VPS8: variants seen among roughly 807,000 people sequenced by gnomAD.
The protein encoded by VPS8 is vacuolar protein sorting-associated protein 8 homolog.
Under a neutral mutation model 216.4 loss-of-function variants are expected in VPS8, and 129 were observed. The ratio of observed to expected loss-of-function variants is 0.60; its 90% CI spans 0.52 to 0.69. VPS8 has a LOEUF of 0.69. VPS8 is among the 30% of genes least tolerant of loss of function. The pLI is 0.00. For missense variants in VPS8, 1,531 were observed against 1,683.5 expected, an observed-to-expected ratio of 0.91 and a Z score of 1.59; for synonymous variants, 571 against 565.4, an observed-to-expected ratio of 1.01 and a Z score of -0.14.
At position 185,047,600 on chromosome 3, in the gene VPS8, C is replaced by T. The variant is rs115178435; in HGVS notation, c.4057-879C>T. On this transcript the variant is annotated intron_variant, in intron 46 of 47. Transcript: ENST00000625842. ...AAACACTTCTGAAATCAACTTTTAA[C>T]TATGGGTATCTCTGAATTGTAAGAA... Among the ~76,000 whole-genome samples the T allele has an allele frequency of 4.4e-3, 666 of 152,302 alleles. 7 individuals are homozygous for T. Among genetic ancestry groups the T allele is most frequent in the African/African-American group, 0.015 (625 of 41,550 alleles).
In VPS8 at chr3:184,860,237, C is replaced by T. The variant is rs577520278; in HGVS notation, c.1224+172C>T. On this transcript the variant is annotated intron_variant, in intron 15 of 47. Transcript: ENST00000625842. ...CTGTAGTCCCAGCTACTTGGGAGGC[C>T]GAGCTGGGATAGCTTAAGCCCAGGA... Among the ~76,000 whole-genome samples the T allele has an allele frequency of 1.7e-4, 26 of 151,906 alleles. 1 individual carries two copies. Among genetic ancestry groups the T allele is most frequent in the African/African-American group, 5.6e-4 (23 of 41,416 alleles).
chr3:184,847,559 A>G (rs1723374266), intron 8 of VPS8, among the ~76,000 whole-genome samples: 1 of 152,206 alleles, frequency 6.6e-6, no homozygotes, highest in Non-Finnish European at 1.5e-5. Context: ...CATGTAGATA[A>G]TTAAGGGAGA....
intron 11 of VPS8, among the ~76,000 whole-genome samples, chr3:184,852,835 C>G (rs779986014): frequency 7.9e-5 from 12 of 152,150 alleles, no homozygotes; most frequent in African/African-American, 2.7e-4. Flanking sequence ...TGGGACCACT[C>G]TTCTGGAATA....
chr3:185,023,347 C>T (rs755008425), intron 45 of VPS8, among the ~76,000 whole-genome samples: 1 of 151,910 alleles, frequency 6.6e-6, no homozygotes, highest in Non-Finnish European at 1.5e-5. Context: ...ATGAATTGAC[C>T]CCTTTATTAT....
chr3:184,991,286 T>G (rs973479569), intron 42 of VPS8, among the ~76,000 whole-genome samples: 1 of 152,182 alleles, frequency 6.6e-6, no homozygotes, highest in Non-Finnish European at 1.5e-5. Context: ...CTTCATAGTT[T>G]GCAAACAAAC....
At chr3:185,051,749 C>T in intron 47 of VPS8, 127 bp from the exon 48 acceptor site, 1 of 1,199,232 alleles carries the variant, frequency 8.3e-7, no homozygotes, top group East Asian at 2.8e-5. Context: ...ACCTAAGATT[C>T]AAACCCTGCA....
intron 42 of VPS8, among the ~76,000 whole-genome samples, chr3:184,989,448 G>A (rs1268457620): frequency 1.4e-5 from 2 of 146,656 alleles, no homozygotes; most frequent in African/African-American, 5.0e-5. Context: ...TTCCTTTTTT[G>A]TGGAGAATGG....
intron 21 of VPS8, 111 bp from the exon 22 acceptor site, chr3:184,885,999 T>G (rs1401756124): frequency 1.7e-6 from 2 of 1,189,440 alleles, no homozygotes; most frequent in Non-Finnish European, 2.4e-6. Flanking sequence ...AAGCATGATA[T>G]GAAGTTATAT....
rs554352790 is a variant in VPS8, at chr3:185,011,009, A to T, written c.4002+11148A>T. Among the ~76,000 whole-genome samples the T allele has an allele frequency of 7.2e-5, 11 of 152,304 alleles. No homozygotes were observed. The South Asian group carries it at 2.3e-3, about 32-fold the overall frequency. ...GCGAGACCCTATCTCAAAAAAACAA[A>T]AAAGAAAAAGAAATGAATAGATCAT... On this transcript the variant is annotated intron_variant, in intron 45 of 47. Coordinates refer to ENST00000625842, the MANE Select transcript of VPS8 (RefSeq NM_001009921.3).
At chr3:184,893,245 A>T in intron 22 of VPS8, 1 of 1,283,248 alleles carries the variant, frequency 7.8e-7, no homozygotes, top group Non-Finnish European at 1.0e-6. Flanking sequence ...ACTTCAGATG[A>T]GTCAAAACCC....
At chr3:184,938,649 CTTTTTT>C (rs113635324) in intron 35 of VPS8, among the ~76,000 whole-genome samples, 1 of 140,726 alleles carries the variant, frequency 7.1e-6, no homozygotes, top group African/African-American at 2.6e-5. Context: ...TTCTTTTTTT[CTTTTTT>C]TTTTTTTGTA....
In VPS8 at chr3:184,869,011, T is replaced by C; in HGVS notation, c.1572T>C (p.His524=). Residue 524 remains histidine (H), a synonymous_variant, in exon 19 of 48, where the codon CAT becomes CAC. Transcript: ENST00000625842. ...CGTTGGCTCTTGCGTGGTCTTTCCA[T>C]GAAGGAAAAGCAAAAGCAGTAGTGG... ...TEALALAWSF[H]EGKAKAVVGL... The C allele has an allele frequency of 6.2e-7, 1 of 1,609,136 alleles. No individual in the cohort carries two copies. The highest frequency in any genetic ancestry group is 8.5e-7 in the Non-Finnish European group (1 of 1,177,844).
rs774785598 is a variant in VPS8, at chr3:184,914,935, AT to A, written c.2190-45del. ...ACAATGTGTTACTCGCTTGAAAGTT[AT>A]CCCCTTTACAAGTCACCATATCCAT... is the stretch of plus-strand genomic sequence containing the variant. On this transcript the variant is annotated intron_variant, in intron 26 of 47. Coordinates refer to ENST00000625842, the MANE Select transcript of VPS8 (RefSeq NM_001009921.3). 5.2e-6 allele frequency: 8 copies of A among 1,551,996 alleles called. No individual in the cohort carries two copies. The South Asian group carries it at 5.6e-5, about 11-fold the overall frequency.
At chr3:184,999,212 C>A (rs890646646) in intron 44 of VPS8, among the ~76,000 whole-genome samples, 3 of 152,284 alleles carry the variant, frequency 2.0e-5, no homozygotes, top group Admixed American at 2.0e-4. Flanking sequence ...TACCTGCCAC[C>A]ACGTCCAGCT....
intron 16 of VPS8, among the ~76,000 whole-genome samples, chr3:184,863,833 C>T (rs1726847062): frequency 6.6e-6 from 1 of 152,116 alleles, no homozygotes; most frequent in Admixed American, 6.5e-5. Flanking sequence ...TGAGTGACTA[C>T]AGCATGATGT....
intron 43 of VPS8, among the ~76,000 whole-genome samples, chr3:184,995,056 C>A (rs4686943): frequency 2.6e-5 from 4 of 152,096 alleles, no homozygotes; most frequent in South Asian, 2.1e-4. Flanking sequence ...CACTGGGTCC[C>A]TCCCACCACA....
chr3:184,940,140 A>G (rs773794151), intron 35 of VPS8, 57 bp from the exon 36 acceptor site: 13 of 1,085,104 alleles, frequency 1.2e-5, no homozygotes, highest in Non-Finnish European at 1.7e-5. Flanking sequence ...TTACCATGGA[A>G]TATTTGAAAA....
intron 36 of VPS8, among the ~76,000 whole-genome samples, chr3:184,949,024 G>T (rs1220925803): frequency 6.6e-6 from 1 of 152,084 alleles, no homozygotes; most frequent in Non-Finnish European, 1.5e-5. Context: ...TGAAAGATTA[G>T]TCTGGGTGAG....
intron 26 of VPS8, among the ~76,000 whole-genome samples, chr3:184,914,346 T>A (rs1448479422): frequency 6.6e-6 from 1 of 152,206 alleles, no homozygotes; most frequent in Non-Finnish European, 1.5e-5. Context: ...TTTAAAAAGC[T>A]TTAAAATTTG....
Sources: allele counts gnomAD v4.1 joint callset (sites outside exome capture counted in the v4.1 genomes callset), GRCh38; gene constraint gnomAD v4.1.1; transcripts MANE v1.5; gene names NCBI Gene and HGNC (gene_info 2026-07-23, HGNC 2026-07-21).